Variants in CAST observed in about 807,000 individuals in gnomAD.
CAST encodes MIR583 host.
Under a neutral mutation model 119.6 loss-of-function variants are expected in CAST, and 76 were observed. The observed-to-expected ratio is 0.64, with a 90% CI of 0.53 to 0.77. The LOEUF (loss-of-function observed/expected upper bound fraction) is 0.77. CAST is among the 30% of genes least tolerant of loss of function. The probability of loss-of-function intolerance (pLI) is 0.00; values close to 1 mark genes in which losing one functional copy is unlikely to be tolerated. For missense variants in CAST, 953 were observed against 946.5 expected (o/e 1.01, Z -0.09); for synonymous variants, 319 against 331.6 (o/e 0.96, Z 0.41).
chr5:96,278,348 GC>G, the CAST span, among the ~76,000 whole-genome samples: 1 of 152,016 alleles, frequency 6.6e-6, no homozygotes, highest in African/African-American at 2.4e-5. Context: ...GATTTACCAG[GC>G]AGGATGGTAC....
intron 28 of CAST, among the ~76,000 whole-genome samples, 188 bp from the exon 29 acceptor site, chr5:96,767,719 T>TG (rs2150746956): frequency 6.6e-6 from 1 of 152,270 alleles, no homozygotes; most frequent in African/African-American, 2.4e-5. Context: ...AAAGAGTAGA[T>TG]GGAAAAAAAG....
chr5:96,408,505 C>T, the CAST span, among the ~76,000 whole-genome samples: 1 of 152,174 alleles, frequency 6.6e-6, no homozygotes, highest in African/African-American at 2.4e-5. Flanking sequence ...TTTTAGTTCA[C>T]CCTCTATATG....
intron 20 of CAST, among the ~76,000 whole-genome samples, chr5:96,753,753 T>C (rs772730193): frequency 3.2e-4 from 49 of 152,244 alleles, no homozygotes; most frequent in Non-Finnish European, 6.6e-4. Context: ...TTTCCTGGTA[T>C]GCAACTTATC....
chr5:96,486,009 G>A, the CAST span, among the ~76,000 whole-genome samples: 9 of 152,100 alleles, frequency 5.9e-5, no homozygotes, highest in Admixed American at 3.3e-4. Flanking sequence ...AGACCACAGC[G>A]GAGTGCCTCT....
chr5:96,754,117 G>A lies in CAST; in HGVS notation c.1582G>A (p.Glu528Lys). 1 of 1,613,898 alleles carries A rather than the reference G, an allele frequency of 6.2e-7. No homozygotes were observed. Among genetic ancestry groups the A allele is most frequent in the Non-Finnish European group, 8.5e-7 (1 of 1,179,766 alleles). ...EALADSLGKK[E>K]ADPEDGKPVM... is the part of the protein sequence containing the mutation. ...CTTGGCTGATAGCCTGGGGAAAAAGGAAGCAGATCCAGAAGATGGAAAACC... is the reference window on the plus strand; with the variant it reads ...CTTGGCTGATAGCCTGGGGAAAAAGAAAGCAGATCCAGAAGATGGAAAACC... The change falls in exon 21 of 32, where the codon GAA (glutamate) becomes AAA (lysine). Residue 528 changes from glutamate to lysine, a missense_variant. Glu to Lys is a moderately conservative substitution (Grantham distance 56). Coordinates refer to ENST00000675179, the MANE Select transcript of CAST (RefSeq NM_001750.7).
chr5:96,579,084 G>A (rs1746725609), intron 1 of CAST, among the ~76,000 whole-genome samples: 2 of 152,174 alleles, frequency 1.3e-5, no homozygotes, highest in African/African-American at 4.8e-5. Flanking sequence ...GGGACAAAGA[G>A]GCTTTCTGGG....
the CAST span, among the ~76,000 whole-genome samples, chr5:96,474,904 A>G: frequency 6.6e-6 from 1 of 152,198 alleles, no homozygotes; most frequent in African/African-American, 2.4e-5. Context: ...ATTATGCCAG[A>G]CTGCCTTATG....
intron 3 of CAST, among the ~76,000 whole-genome samples, chr5:96,699,606 G>A (rs1753655750): frequency 6.6e-6 from 1 of 152,160 alleles, no homozygotes; most frequent in African/African-American, 2.4e-5. Context: ...TTTCCTGGTG[G>A]GCAGCAGCCT....
the CAST span, among the ~76,000 whole-genome samples, chr5:96,371,001 G>A: frequency 2.0e-5 from 3 of 152,120 alleles, no homozygotes; most frequent in Non-Finnish European, 4.4e-5. Flanking sequence ...TACATTTAAA[G>A]GAAATGAAGA....
At chr5:96,401,671 AT>A in the CAST span, among the ~76,000 whole-genome samples, 1 of 152,184 alleles carries the variant, frequency 6.6e-6, no homozygotes, top group Non-Finnish European at 1.5e-5. Flanking sequence ...ATTCTGCTAT[AT>A]GTGCATATTC....
chr5:96,429,646 C>T, the CAST span, among the ~76,000 whole-genome samples: 1 of 152,080 alleles, frequency 6.6e-6, no homozygotes, highest in Non-Finnish European at 1.5e-5. Flanking sequence ...ATGTTGTTCC[C>T]CTCTATGTAT....
Position 96,748,630 on chromosome 5 carries a change from A to G in CAST, c.1428+17A>G, listed in dbSNP as rs752031293. On this transcript the variant is annotated intron_variant, in intron 19 of 31. Coordinates refer to ENST00000675179, the MANE Select transcript of CAST (RefSeq NM_001750.7). ...AAGACAGAAGTATGTTTCTAAACAT[A>G]TAAATCTCTAGTTTTGAGGTTTGTG... is the stretch of plus-strand genomic sequence containing the variant. 8.4e-7 allele frequency: 1 copy of G among 1,196,086 alleles called. No homozygotes were observed. Among genetic ancestry groups the G allele is most frequent in the Admixed American group, 1.8e-5 (1 of 56,198 alleles). 74.1% of individuals were successfully genotyped at this position (1,196,086 alleles called of 1,614,324 possible).
At chr5:96,445,111 G>A in the CAST span, among the ~76,000 whole-genome samples, 1 of 152,198 alleles carries the variant, frequency 6.6e-6, no homozygotes, top group African/African-American at 2.4e-5. Flanking sequence ...GAACCCTGAG[G>A]ACTGCACTCA....
chr5:96,168,170 G>A, the CAST span, among the ~76,000 whole-genome samples: 18 of 152,104 alleles, frequency 1.2e-4, no homozygotes, highest in African/African-American at 4.3e-4. Flanking sequence ...AGGTGGGAGT[G>A]GCCAGATGAG....
the CAST span, chr5:95,961,773 C>T: frequency 6.6e-7 from 1 of 1,524,806 alleles, no homozygotes; most frequent in Non-Finnish European, 8.8e-7. Context: ...CTAGCCTCCA[C>T]TGCGGCCGCG....
At chr5:96,246,974 G>A in the CAST span, among the ~76,000 whole-genome samples, 2 of 152,074 alleles carry the variant, frequency 1.3e-5, no homozygotes, top group African/African-American at 4.8e-5. Context: ...TTTCTTCATG[G>A]TTTGGAAGTC....
chr5:96,648,720 G>GTGTGTGTC (rs1748054962), intron 1 of CAST, among the ~76,000 whole-genome samples: 1 of 129,874 alleles, frequency 7.7e-6, no homozygotes, highest in Non-Finnish European at 1.8e-5. Flanking sequence ...ATATATGCGT[G>GTGTGTGTC]TGTGTGTGTG....
the CAST span, among the ~76,000 whole-genome samples, chr5:96,442,926 T>C: frequency 0.023 from 3,522 of 152,284 alleles, 126 homozygotes; most frequent in African/African-American, 0.081. Flanking sequence ...TCATTCTCTT[T>C]GTCTTCCCCT....
chr5:96,425,045 AAAGAAAGAAAG>A, the CAST span, among the ~76,000 whole-genome samples: 17 of 143,928 alleles, frequency 1.2e-4, no homozygotes, highest in Admixed American at 1.3e-3. Context: ...AGAAAGAAAG[AAAGAAAGAAAG>A]AAAGAAAGAA....
Sources: allele counts gnomAD v4.1 joint callset (sites outside exome capture counted in the v4.1 genomes callset), GRCh38; gene constraint gnomAD v4.1.1; transcripts MANE v1.5; gene names NCBI Gene and HGNC (gene_info 2026-07-23, HGNC 2026-07-21).